Variants in PCNX2 observed in about 807,000 individuals in gnomAD.
PCNX2 encodes the protein pecanex 2.
In PCNX2, 168 loss-of-function variants were observed where a neutral mutation model predicts 223.8. The ratio of observed to expected loss-of-function variants is 0.75; its 90% CI spans 0.66 to 0.85. PCNX2 has a LOEUF of 0.85. PCNX2 is among the 40% of genes least tolerant of loss of function. The probability of loss-of-function intolerance (pLI) is 0.00; values close to 1 mark genes in which losing one functional copy is unlikely to be tolerated. For missense variants in PCNX2, 2,507 were observed against 2,675.5 expected (o/e 0.94, Z 1.39); for synonymous variants, 1,006 against 1,052.6 (o/e 0.96, Z 0.86).
intron 25 of PCNX2, among the ~76,000 whole-genome samples, chr1:233,025,808 T>TC (rs1466427584): frequency 2.6e-5 from 4 of 152,212 alleles, no homozygotes; most frequent in Non-Finnish European, 2.9e-5. Context: ...CAGGCTATTG[T>TC]AAGGATGAAA....
At chr1:233,311,551 A>C in the PCNX2 span, among the ~76,000 whole-genome samples, 1 of 152,246 alleles carries the variant, frequency 6.6e-6, no homozygotes, top group Non-Finnish European at 1.5e-5. Context: ...CAGTATGGAA[A>C]AACTGAGTAA....
chr1:233,290,136 A>T (rs1357555152), intron 1 of PCNX2, among the ~76,000 whole-genome samples: 1 of 128,032 alleles, frequency 7.8e-6, no homozygotes, highest in Non-Finnish European at 1.6e-5. Flanking sequence ...CTTAGGCCTC[A>T]GGAAGGGGGT....
At chr1:233,275,736 T>C (rs753511266) in intron 1 of PCNX2, among the ~76,000 whole-genome samples, 2 of 152,000 alleles carry the variant, frequency 1.3e-5, no homozygotes. Flanking sequence ...TTATTTATAA[T>C]AGACAAGGGG....
intron 15 of PCNX2, among the ~76,000 whole-genome samples, chr1:233,185,625 G>A (rs904921325): frequency 1.3e-5 from 2 of 152,072 alleles, no homozygotes; most frequent in African/African-American, 4.8e-5. Flanking sequence ...CCTATTTCAG[G>A]GCTTGTTGAA....
intron 13 of PCNX2, among the ~76,000 whole-genome samples, chr1:233,204,078 T>C (rs1327246214): frequency 1.3e-5 from 2 of 152,234 alleles, no homozygotes; most frequent in East Asian, 3.8e-4. Context: ...ACTCTAAATG[T>C]GACCTTGTTT....
chr1:233,156,450 C>T (rs1218925021), intron 19 of PCNX2, among the ~76,000 whole-genome samples: 1 of 152,196 alleles, frequency 6.6e-6, no homozygotes, highest in African/African-American at 2.4e-5. Flanking sequence ...TCCCTCTCTA[C>T]ACCCAAGCAC....
At chr1:233,321,815 G>A in the PCNX2 span, among the ~76,000 whole-genome samples, 28 of 152,274 alleles carry the variant, frequency 1.8e-4, no homozygotes, top group African/African-American at 5.5e-4. Flanking sequence ...ACAGTTTGAA[G>A]CCACTACCTT....
At chr1:233,131,551 C>A (rs1486704252) in intron 21 of PCNX2, among the ~76,000 whole-genome samples, 2 of 152,152 alleles carry the variant, frequency 1.3e-5, no homozygotes, top group African/African-American at 4.8e-5. Flanking sequence ...CTCTTTCTTT[C>A]ACTATATTCT....
At chr1:233,023,088 C>T (rs1670953022) in intron 26 of PCNX2, among the ~76,000 whole-genome samples, 1 of 152,170 alleles carries the variant, frequency 6.6e-6, no homozygotes, top group Non-Finnish European at 1.5e-5. Flanking sequence ...GTCCTCACTG[C>T]CCCCTTCCAG....
At chr1:233,218,248 T>A in intron 10 of PCNX2, 64 bp from the exon 11 acceptor site, 15 of 532,254 alleles carry the variant, frequency 2.8e-5, no homozygotes, top group Non-Finnish European at 3.6e-5. Context: ...AGTTTTGCCT[T>A]TTTTTTTTTT....
At chr1:233,058,458 G>A (rs1281454492) in intron 23 of PCNX2, 1 of 152,112 alleles carries the variant, frequency 6.6e-6, no homozygotes, top group African/African-American at 2.4e-5. Context: ...ATTGACGATA[G>A]TCAACTGTTT....
intron 13 of PCNX2, among the ~76,000 whole-genome samples, chr1:233,205,724 A>C (rs1203832019): frequency 6.6e-6 from 1 of 151,212 alleles, no homozygotes; most frequent in East Asian, 1.9e-4. Flanking sequence ...CAAAACAAAA[A>C]ACACGGACTT....
chr1:233,032,894 A>G, intron 25 of PCNX2: 1 of 785,746 alleles, frequency 1.3e-6, no homozygotes, highest in Non-Finnish European at 1.5e-6. Context: ...CTTAGGAGTG[A>G]AAGAGTCACA....
intron 32 of PCNX2, among the ~76,000 whole-genome samples, chr1:232,995,166 A>C (rs1240656968): frequency 6.6e-6 from 1 of 152,072 alleles, no homozygotes; most frequent in Non-Finnish European, 1.5e-5. Context: ...CTGTGAATAC[A>C]CCGGGGGGCA....
At chr1:233,122,308 A>G (rs1675849639) in intron 21 of PCNX2, among the ~76,000 whole-genome samples, 1 of 152,176 alleles carries the variant, frequency 6.6e-6, no homozygotes, top group South Asian at 2.1e-4. Flanking sequence ...TCCCATGCAG[A>G]AGAATTCAAA....
chr1:232,999,272 G>C lies in PCNX2; in HGVS notation c.5436C>G (p.Val1812=). The change falls in exon 31 of 34, where the codon GTC becomes GTG. Residue 1812 remains valine, a synonymous_variant. Transcript: ENST00000258229. ...ERGSIQNNKQ[V]LRNLINSSCD... is the part of the protein sequence containing the mutation. Reference sequence around the variant, plus strand: ...AGGAGGAGTTAATCAAGTTCCGCAGGACCTGCTTATTGTTCTGGATACTGC... The same window carrying C: ...AGGAGGAGTTAATCAAGTTCCGCAGCACCTGCTTATTGTTCTGGATACTGC... 6.2e-7 allele frequency: 1 copy of C among 1,612,936 alleles called. No homozygotes were observed.
rs372839383 is a variant in PCNX2 at position 233,078,405 on chromosome 1, G to T, written c.4076+11656C>A. Among the ~76,000 whole-genome samples, 88 of 152,336 alleles carry T rather than the reference G, an allele frequency of 5.8e-4. 1 individual carries two copies. In the South Asian group the frequency reaches 0.014, roughly 24 times the overall value. On this transcript the variant is annotated intron_variant, in intron 23 of 33. Transcript: ENST00000258229. ...TTTATTTGAGCCACGTAGTAAAACAGTTTAAGACAATGTAAATTTAAAAGC... is the reference window on the plus strand; with the variant it reads ...TTTATTTGAGCCACGTAGTAAAACATTTTAAGACAATGTAAATTTAAAAGC...
At chr1:233,018,257 C>G (rs1338528564) in intron 26 of PCNX2, among the ~76,000 whole-genome samples, 1 of 151,788 alleles carries the variant, frequency 6.6e-6, no homozygotes, top group African/African-American at 2.4e-5. Context: ...CTCCTGGGCT[C>G]AAGCATCCTC....
intron 8 of PCNX2, among the ~76,000 whole-genome samples, chr1:233,242,645 G>T (rs1658844131): frequency 6.6e-6 from 1 of 152,130 alleles, no homozygotes; most frequent in South Asian, 2.1e-4. Context: ...GAACAAAAAA[G>T]AGAAACTATC....
Sources: allele counts gnomAD v4.1 joint callset (sites outside exome capture counted in the v4.1 genomes callset), GRCh38; gene constraint gnomAD v4.1.1; transcripts MANE v1.5; gene names NCBI Gene and HGNC (gene_info 2026-07-23, HGNC 2026-07-21).